Variants in ZFC3H1 observed in about 807,000 individuals in gnomAD.
ZFC3H1 encodes zinc finger C3H1 domain-containing protein.
Under a neutral mutation model 243.7 loss-of-function variants are expected in ZFC3H1, and 71 were observed. The observed-to-expected ratio is 0.29, with a 90% CI of 0.24 to 0.36. ZFC3H1 has a LOEUF of 0.36. Among genes scored for constraint, ZFC3H1 ranks in the 10% least tolerant of loss-of-function variants. The probability of loss-of-function intolerance (pLI) is 1.00; values close to 1 mark genes in which losing one functional copy is unlikely to be tolerated. For synonymous variants in ZFC3H1, 838 were observed against 813.0 expected (o/e 1.03, Z -0.52); for missense variants, 1,966 against 2,317.1 (o/e 0.85, Z 3.11).
rs557365123 is a variant in ZFC3H1 at position 71,611,767 on chromosome 12, T to G, written c.5729+19A>C. 1 of 1,567,470 alleles carries G rather than the reference T, an allele frequency of 6.4e-7. No individual in the cohort carries two copies. The highest frequency in any genetic ancestry group is 8.7e-7 in the Non-Finnish European group (1 of 1,142,990). On this transcript the variant is annotated intron_variant, in intron 32 of 34. Transcript: ENST00000378743. ...TAAAAGCAATAGCTATAAAAACATGTACATGATTGTTGCATTACATTTTCC... is the reference window on the plus strand; with the variant it reads ...TAAAAGCAATAGCTATAAAAACATGGACATGATTGTTGCATTACATTTTCC...
At chr12:71,645,600 T>C (rs1880709657) in intron 3 of ZFC3H1, among the ~76,000 whole-genome samples, 1 of 151,976 alleles carries the variant, frequency 6.6e-6, no homozygotes, top group Non-Finnish European at 1.5e-5. Flanking sequence ...TAAATTACTA[T>C]TGAAGGGAAA....
chr12:71,642,318 C>T, intron 6 of ZFC3H1, 118 bp downstream of exon 6: 1 of 1,136,058 alleles, frequency 8.8e-7, no homozygotes. Flanking sequence ...TATCGCCATA[C>T]AGTTCATCAG....
intron 30 of ZFC3H1, 83 bp downstream of exon 30, chr12:71,614,452 A>T (rs1172832798): frequency 2.3e-6 from 3 of 1,305,422 alleles, no homozygotes; most frequent in African/African-American, 1.5e-5. Context: ...AGCTCTCTTG[A>T]TATAAAACAG....
At chr12:71,644,540 C>T (rs954705708) in intron 4 of ZFC3H1, among the ~76,000 whole-genome samples, 2 of 152,124 alleles carry the variant, frequency 1.3e-5, no homozygotes, top group African/African-American at 4.8e-5. Context: ...AAGAATTTAA[C>T]AGGCAGTGGC....
chr12:71,663,238 A>T lies in ZFC3H1; in HGVS notation c.373T>A (p.Ser125Thr). The T allele has an allele frequency of 1.9e-6, 3 of 1,613,896 alleles. No individual in the cohort carries two copies. The highest frequency in any genetic ancestry group is 2.5e-6 in the Non-Finnish European group (3 of 1,180,034). Residue 125 changes from serine to threonine, a missense_variant, in exon 1 of 35, where the codon TCC (serine) becomes ACC (threonine). Coordinates refer to ENST00000378743, the MANE Select transcript of ZFC3H1 (RefSeq NM_144982.5). ...PSVRMPSSSLSESSPRPSFWE... is the reference protein window; with the variant it reads ...PSVRMPSSSLTESSPRPSFWE... ...AAAGACGGCCGGGGACTGCTTTCGG[A>T]CAGTGAGCTCGAAGGCATCCGTACA...
At chr12:71,623,321 A>G (rs549255103) in intron 24 of ZFC3H1, 39 bp downstream of exon 24, 20 of 1,493,572 alleles carry the variant, frequency 1.3e-5, no homozygotes, top group South Asian at 9.1e-5. Context: ...CACTGATGTT[A>G]TAACAGTTGA....
intron 12 of ZFC3H1, 51 bp downstream of exon 12, chr12:71,634,104 G>GT: frequency 1.9e-6 from 3 of 1,547,824 alleles, no homozygotes; most frequent in Middle Eastern, 1.7e-4. Context: ...CCACAAAAAT[G>GT]TATTTCTCTA....
Position 71,629,699 on chromosome 12 carries a change from C to G in ZFC3H1, c.3736G>C (p.Glu1246Gln). ...TCTTTGTTTACTCCAAAAAGTTTCT[C>G]AACATATTTTTCTGAAATAAGAGCA... ...EITASAEKYVEKLFGVNKDRM... is the reference protein window; with the variant it reads ...EITASAEKYVQKLFGVNKDRM... The change falls in exon 19 of 35, where the codon GAG (glutamate) becomes CAG (glutamine). Residue 1246 changes from glutamate to glutamine, a missense_variant. Glu to Gln is a conservative substitution (Grantham distance 29, BLOSUM62 2). Coordinates refer to ENST00000378743, the MANE Select transcript of ZFC3H1 (RefSeq NM_144982.5). 1 of 1,610,822 alleles carries G rather than the reference C, an allele frequency of 6.2e-7. No homozygotes were observed. Among genetic ancestry groups the G allele is most frequent in the Non-Finnish European group, 8.5e-7 (1 of 1,177,948 alleles).
chr12:71,646,558 C>T (rs1220795452), intron 3 of ZFC3H1, among the ~76,000 whole-genome samples: 1 of 152,200 alleles, frequency 6.6e-6, no homozygotes, highest in Admixed American at 6.5e-5. Context: ...CAGAGTTTAA[C>T]TAAAATAAAG....
At chr12:71,662,949 C>A in intron 1 of ZFC3H1, 64 bp downstream of exon 1, 1 of 1,450,102 alleles carries the variant, frequency 6.9e-7, no homozygotes, top group Non-Finnish European at 9.3e-7. Flanking sequence ...TCTCACAGAC[C>A]TAGTAATGAC....
At chr12:71,635,679 T>C in intron 9 of ZFC3H1, 99 bp from the exon 10 acceptor site, 1 of 1,211,242 alleles carries the variant, frequency 8.3e-7, no homozygotes, top group Admixed American at 3.0e-5. Context: ...AAGTAGACAG[T>C]CTATGGCTCC....
intron 31 of ZFC3H1, among the ~76,000 whole-genome samples, chr12:71,612,626 C>G (rs1301910273): frequency 6.6e-6 from 1 of 152,044 alleles, no homozygotes; most frequent in Non-Finnish European, 1.5e-5. Context: ...AATGTAAATC[C>G]TTTAAAACAT....
At position 71,615,242 on chromosome 12, in the gene ZFC3H1, A is replaced by G. The variant is rs759994359; in HGVS notation, c.5219T>C (p.Phe1740Ser). Residue 1740 changes from phenylalanine to serine, a missense_variant, in exon 28 of 35, where the codon TTT becomes TCT. Coordinates refer to ENST00000378743, the MANE Select transcript of ZFC3H1 (RefSeq NM_144982.5). Reference sequence around the variant, plus strand: ...CCACAAATAAGGAACTTGGTGGTTAAACATATCATCATCAAAATTCCCTTT... The same window carrying G: ...CCACAAATAAGGAACTTGGTGGTTAGACATATCATCATCAAAATTCCCTTT... The part of the protein sequence containing the change: ...LCKGNFDDDM[F>S]NHQVPYLWLI... The G allele has an allele frequency of 1.2e-6, 2 of 1,613,786 alleles. No homozygotes were observed. Among genetic ancestry groups the G allele is most frequent in the East Asian group, 2.2e-5 (1 of 44,826 alleles).
Position 71,663,093 on chromosome 12 carries a change from C to A in ZFC3H1, c.518G>T (p.Arg173Ile), listed in dbSNP as rs1167379526. ...VGERGGKPGC[R>I]PPLGGGAGSG... ...TCCTGCTCCTCCTCCCAGAGGAGGT[C>A]TGCACCCCGGCTTGCCTCCTCGCTC... The change falls in exon 1 of 35, where the codon AGA becomes ATA. Residue 173 changes from arginine (R) to isoleucine (I), a missense_variant. Arg to Ile is a moderately conservative substitution (Grantham distance 97). Coordinates refer to ENST00000378743, the MANE Select transcript of ZFC3H1 (RefSeq NM_144982.5). 2 of 1,613,962 alleles carry A rather than the reference C, an allele frequency of 1.2e-6. No homozygotes were observed. Among genetic ancestry groups the A allele is most frequent in the Admixed American group, 1.7e-5 (1 of 60,000 alleles).
At chr12:71,656,811 A>G in intron 2 of ZFC3H1, 74 bp downstream of exon 2, 1 of 1,418,820 alleles carries the variant, frequency 7.0e-7, no homozygotes, top group East Asian at 2.3e-5. Context: ...TCAATGAAGT[A>G]CACTGCCAAA....
At position 71,616,402 on chromosome 12, in the gene ZFC3H1, T is replaced by C. The variant is rs142220194; in HGVS notation, c.5145-1086A>G. On this transcript the variant is annotated intron_variant, in intron 27 of 34. Transcript: ENST00000378743. ...TTTAATTTTAGACATGATATCAAAG[T>C]GTATTCTATAACACATTAGCCTGTA... Among the ~76,000 whole-genome samples, 27 of 152,312 alleles carry C rather than the reference T, an allele frequency of 1.8e-4. No homozygotes were observed. The East Asian group carries it at 5.0e-3, about 28-fold the overall frequency.
At chr12:71,642,142 A>C (rs1880616368) in intron 6 of ZFC3H1, among the ~76,000 whole-genome samples, 1 of 152,146 alleles carries the variant, frequency 6.6e-6, no homozygotes, top group Admixed American at 6.5e-5. Flanking sequence ...GAGCCACTGC[A>C]CCCGGCCCAA....
At chr12:71,614,257 T>C (rs933482775) in intron 30 of ZFC3H1, among the ~76,000 whole-genome samples, 1 of 148,102 alleles carries the variant, frequency 6.8e-6, no homozygotes, top group African/African-American at 2.5e-5. Flanking sequence ...TGTTTTTTCA[T>C]TAATATGTAT....
intron 3 of ZFC3H1, 36 bp downstream of exon 3, chr12:71,647,712 CT>C: frequency 8.3e-7 from 1 of 1,209,792 alleles, no homozygotes; most frequent in Non-Finnish European, 1.2e-6. Context: ...AAAAATGGGT[CT>C]TACAGAGATG....
Sources: gnomAD v4.1 joint callset for allele counts (sites outside exome capture counted in the v4.1 genomes callset) on GRCh38, gnomAD v4.1.1 for gene constraint, MANE v1.5 for transcripts, NCBI Gene and HGNC (gene_info 2026-07-23, HGNC 2026-07-21) for gene names.